The following GON7 variants were observed in gnomAD, a reference collection of about 807,000 sequenced individuals.
GON7 encodes the protein GON7 subunit of KEOPS complex.
GON7 carries 2 observed loss-of-function variants against 7.6 expected under a neutral mutation model. That is an observed-to-expected ratio of 0.26 (90% CI 0.11 to 0.83). GON7 has a LOEUF of 0.83. Ranked by LOEUF, GON7 falls within the 40% of genes least tolerant of loss-of-function variation. The pLI is 0.65. For missense variants in GON7, 121 were observed against 132.2 expected (o/e 0.92, Z 0.42); for synonymous variants, 54 against 56.6 (o/e 0.95, Z 0.20).
Position 93,203,688 on chromosome 14 carries a change from T to C in GON7, c.303A>G (p.Ter101=). 1 of 1,613,398 alleles carries C rather than the reference T, an allele frequency of 6.2e-7. No homozygotes were observed. Among genetic ancestry groups the C allele is most frequent in the Non-Finnish European group, 8.5e-7 (1 of 1,179,368 alleles). The change falls in exon 2 of 2, where the codon TAA becomes TAG. Residue 101 remains the stop codon, a stop_retained_variant. Transcript: ENST00000306954. ...PSAKRPKTPS[*] ...CTTTTAAATGTCATGAAGGCTATTGTTAAGACGGTGTTTTTGGCCGTTTTG... is the reference window on the plus strand; with the variant it reads ...CTTTTAAATGTCATGAAGGCTATTGCTAAGACGGTGTTTTTGGCCGTTTTG...
chr14:93,206,001 TCAC>T (rs1037815093), intron 1 of GON7, among the ~76,000 whole-genome samples: 7 of 152,100 alleles, frequency 4.6e-5, no homozygotes, highest in African/African-American at 1.7e-4. Context: ...AGAACCACTT[TCAC>T]TTTTTTTTTC....
rs1894360376 is a variant in GON7 at position 93,206,977 on chromosome 14, A to G, written c.61T>C (p.Cys21Arg). 3.1e-6 allele frequency: 5 copies of G among 1,614,198 alleles called. No homozygotes were observed. Among genetic ancestry groups the G allele is most frequent in the Middle Eastern group, 1.7e-4 (1 of 6,036 alleles). Residue 21 changes from cysteine (C) to arginine (R), a missense_variant, in exon 1 of 2, where the codon TGT becomes CGT. Physicochemically the swap from Cys to Arg is radical, Grantham distance 180. Transcript: ENST00000306954. ...EGKPQKLRVSCEAPGDGDPFQ... is the reference protein window; with the variant it reads ...EGKPQKLRVSREAPGDGDPFQ... Reference sequence around the variant, plus strand: ...GGGTCGCCGTCACCCGGCGCCTCACAGGACACCCGCAGCTTCTGCGGCTTC... The same window carrying G: ...GGGTCGCCGTCACCCGGCGCCTCACGGGACACCCGCAGCTTCTGCGGCTTC...
At chr14:93,204,098 C>T (rs149721514) in intron 1 of GON7, among the ~76,000 whole-genome samples, 28 of 152,224 alleles carry the variant, frequency 1.8e-4, no homozygotes, top group African/African-American at 6.7e-4. Context: ...GGGGTTCAAG[C>T]GATTCCTCTG....
At chr14:93,205,841 T>G (rs1179743000) in intron 1 of GON7, among the ~76,000 whole-genome samples, 1 of 152,196 alleles carries the variant, frequency 6.6e-6, no homozygotes, top group Non-Finnish European at 1.5e-5. Flanking sequence ...TGGAACCTGT[T>G]CCTACTCTGC....
In GON7 at chr14:93,207,014, G is replaced by C; in HGVS notation, c.24C>G (p.Val8=). The stretch of plus-strand genomic sequence containing the variant: ...GCTTCTGCGGCTTCCCTTCCTGCCC[G>C]ACGTACTCTCCCAGCAGCTCCATGG... MELLGEY[V]GQEGKPQKLR... The change falls in exon 1 of 2, where the codon GTC becomes GTG. Residue 8 remains valine, a synonymous_variant. Transcript: ENST00000306954. The C allele has an allele frequency of 6.2e-7, 1 of 1,613,666 alleles. No homozygotes were observed. The highest frequency in any genetic ancestry group is 8.5e-7 in the Non-Finnish European group (1 of 1,179,992).
At chr14:93,206,731 CT>C in intron 1 of GON7, 98 bp downstream of exon 1, 4 of 1,283,436 alleles carry the variant, frequency 3.1e-6, no homozygotes, top group Non-Finnish European at 4.2e-6. Flanking sequence ...TCGAGGCTCA[CT>C]TTGTCCAAGT....
In GON7 at chr14:93,206,689, G is replaced by T. The variant is rs144839197; in HGVS notation, c.208+141C>A. 496 of 943,900 alleles carry T rather than the reference G, an allele frequency of 5.3e-4. 4 individuals carry two copies. The African/African-American group carries it at 7.7e-3, about 15-fold the overall frequency. The allele number at this position is 943,900 out of a possible 1,614,324, so 58.5% of individuals were successfully genotyped here. On this transcript the variant is annotated intron_variant, in intron 1 of 1. Coordinates refer to ENST00000306954, the MANE Select transcript of GON7 (RefSeq NM_032490.5). The stretch of plus-strand genomic sequence containing the variant: ...GCGTGAGCCCCACTTCGCCTAGCCC[G>T]CCAAAAATTTTTAGATGCAATTCTT...
intron 1 of GON7, 54 bp downstream of exon 1, chr14:93,206,776 C>A: frequency 6.5e-7 from 1 of 1,534,966 alleles, no homozygotes. Flanking sequence ...AAGCCAATTT[C>A]CCCTGGGCGC....
chr14:93,204,236 C>T lies in GON7; in HGVS notation c.209-454G>A, dbSNP rs187135269. ...GTCTTGTTCTCCTGACCTCGTGATC[C>T]GCCCGCCTCGGCCTCCCAAAGTGCT... On this transcript the variant is annotated intron_variant, in intron 1 of 1. Transcript: ENST00000306954. 3.6e-4 allele frequency among the ~76,000 whole-genome samples: 55 copies of T among 152,234 alleles called. 1 individual carries two copies. The East Asian group carries it at 5.0e-3, about 14-fold the overall frequency.
rs1894282283 is a variant in GON7 at position 93,203,134 on chromosome 14, A to G, written c.*554T>C. ...TTCATCAAAGTGGCATCATCTCAGGATATGTGCATATTTGACGTGGGTATG... is the reference window on the plus strand; with the variant it reads ...TTCATCAAAGTGGCATCATCTCAGGGTATGTGCATATTTGACGTGGGTATG... On this transcript the variant is annotated 3_prime_UTR_variant, in exon 2 of 2. Transcript: ENST00000306954. 2 of 152,780 alleles carry G rather than the reference A, an allele frequency of 1.3e-5. No homozygotes were observed. The highest frequency in any genetic ancestry group is 2.9e-5 in the Non-Finnish European group (2 of 68,448). 9.5% of individuals were successfully genotyped at this position (152,780 alleles called of 1,614,324 possible).
intron 1 of GON7, among the ~76,000 whole-genome samples, chr14:93,204,227 C>T (rs1013660924): frequency 7.9e-5 from 12 of 152,134 alleles, no homozygotes; most frequent in Admixed American, 5.2e-4. Flanking sequence ...TTCTCCTGAC[C>T]TCGTGATCCG....
chr14:93,206,911 T>C lies in GON7; in HGVS notation c.127A>G (p.Met43Val), dbSNP rs1894358299. ...LLSGVAQMKD[M>V]VTELFDPLVQ... ...AGAGGGTCGAATAATTCCGTTACCA[T>C]GTCCTTCATCTGGGCCACGCCAGAC... Residue 43 changes from methionine (M) to valine (V), a missense_variant, in exon 1 of 2, where the codon ATG becomes GTG. Transcript: ENST00000306954. 31 of 1,614,204 alleles carry C rather than the reference T, an allele frequency of 1.9e-5. No individual in the cohort carries two copies. The highest frequency in any genetic ancestry group is 2.5e-5 in the Non-Finnish European group (30 of 1,180,038).
At chr14:93,206,414 G>A (rs1894344746) in intron 1 of GON7, among the ~76,000 whole-genome samples, 1 of 152,206 alleles carries the variant, frequency 6.6e-6, no homozygotes, top group South Asian at 2.1e-4. Flanking sequence ...CTCAGCTCAG[G>A]GTTTGGCACA....
rs774296877 is a variant in GON7, at chr14:93,206,806, C to CT, written c.208+23dup. ...GGGCGCCCGCCCCGTCCTCCGGTCA[C>CT]TGCAGCACCGTCTCAGAGCTCACCG... On this transcript the variant is annotated intron_variant, in intron 1 of 1. Transcript: ENST00000306954. The CT allele has an allele frequency of 3.4e-5, 54 of 1,607,398 alleles. 2 individuals carry two copies. The South Asian group carries it at 5.5e-4, about 16-fold the overall frequency.
chr14:93,203,807 T>TGA (rs1363027033), intron 1 of GON7, 25 bp from the exon 2 acceptor site: 1 of 1,571,566 alleles, frequency 6.4e-7, no homozygotes. Context: ...ATTTGTTGTA[T>TGA]GACAATACGT....
chr14:93,203,858 A>C, intron 1 of GON7, 76 bp from the exon 2 acceptor site: 1 of 1,047,074 alleles, frequency 9.6e-7, no homozygotes, highest in Non-Finnish European at 1.4e-6. Flanking sequence ...AGTGGTTGAT[A>C]ATGAGACCAT....
At position 93,203,672 on chromosome 14, in the gene GON7, G is replaced by A. The variant is rs973939467; in HGVS notation, c.*16C>T. The A allele has an allele frequency of 1.2e-6, 2 of 1,601,808 alleles. No individual in the cohort carries two copies. Among genetic ancestry groups the A allele is most frequent in the Non-Finnish European group, 1.7e-6 (2 of 1,168,938 alleles). ...AGGATACAACAGCCATCTTTTAAAT[G>A]TCATGAAGGCTATTGTTAAGACGGT... On this transcript the variant is annotated 3_prime_UTR_variant, in exon 2 of 2. Transcript: ENST00000306954.
In GON7 at chr14:93,203,512, T is replaced by C; in HGVS notation, c.*176A>G. 2.0e-6 allele frequency: 1 copy of C among 507,744 alleles called. No homozygotes were observed. The highest frequency in any genetic ancestry group is 2.9e-5 in the East Asian group (1 of 34,442). The allele number at this position is 507,744 out of a possible 1,614,324, so 31.5% of individuals were successfully genotyped here. On this transcript the variant is annotated 3_prime_UTR_variant, in exon 2 of 2. Coordinates refer to ENST00000306954, the MANE Select transcript of GON7 (RefSeq NM_032490.5). Reference sequence around the variant, plus strand: ...TATTTCTCAAGAAAACAGATTTTATTTCTAAGCCTTTACTATCTTTGCTAG... The same window carrying C: ...TATTTCTCAAGAAAACAGATTTTATCTCTAAGCCTTTACTATCTTTGCTAG...
At chr14:93,203,980 A>G (rs1356494600) in intron 1 of GON7, among the ~76,000 whole-genome samples, 198 bp from the exon 2 acceptor site, 2 of 152,094 alleles carry the variant, frequency 1.3e-5, no homozygotes, top group African/African-American at 4.8e-5. Context: ...ATATTAGTTC[A>G]TTCACCATAA....
Sources: allele counts gnomAD v4.1 joint callset (sites outside exome capture counted in the v4.1 genomes callset), GRCh38; gene constraint gnomAD v4.1.1; transcripts MANE v1.5; gene names NCBI Gene and HGNC (gene_info 2026-07-23, HGNC 2026-07-21).